Variants in RTL4 observed in about 807,000 individuals in gnomAD.
The protein encoded by RTL4 is retrotransposon Gag like 4, also known as retrotransposon Gag-like protein 4.
RTL4 carries 4 observed loss-of-function variants against 5.3 expected under a neutral mutation model. That is an observed-to-expected ratio of 0.75 (90% CI 0.37 to 1.72). The LOEUF (loss-of-function observed/expected upper bound fraction) is 1.72, where lower values mean the gene tolerates loss of function less well. Ranked by LOEUF, RTL4 falls within the 40% of genes most tolerant of loss-of-function variation. The pLI is 0.04. For synonymous variants in RTL4, 98 were observed against 87.3 expected, an observed-to-expected ratio of 1.12 and a Z score of -0.68; for missense variants, 260 against 227.1, an observed-to-expected ratio of 1.14 and a Z score of -0.93.
chrX:112,363,508 G>T, the RTL4 span, among the ~76,000 whole-genome samples: 1 of 110,200 alleles, frequency 9.1e-6, no homozygotes, highest in Admixed American at 9.7e-5. Flanking sequence ...AGAGAGTCTT[G>T]CGTACTCATA....
chrX:112,230,609 C>T, the RTL4 span, among the ~76,000 whole-genome samples: 36 of 112,463 alleles, frequency 3.2e-4, no homozygotes, highest in Admixed American at 4.7e-4. Context: ...GCATCGCTCA[C>T]GCTGGGAGCT....
the RTL4 span, among the ~76,000 whole-genome samples, chrX:112,356,579 G>GGTGTGTGTGTGTGT: frequency 2.4e-3 from 234 of 99,442 alleles, no homozygotes; most frequent in African/African-American, 8.3e-3. Flanking sequence ...TTTGTTTTGG[G>GGTGTGTGTGTGTGT]GTGTGTGTGT....
At chrX:112,395,974 T>C in the RTL4 span, among the ~76,000 whole-genome samples, 1 of 111,220 alleles carries the variant, frequency 9.0e-6, no homozygotes, top group Non-Finnish European at 1.9e-5. Context: ...TTCCAGATTG[T>C]TATGGTAAGA....
At chrX:112,397,956 T>G in the RTL4 span, among the ~76,000 whole-genome samples, 1 of 112,016 alleles carries the variant, frequency 8.9e-6, no homozygotes, top group African/African-American at 3.2e-5. Context: ...TACTTCTTTT[T>G]CTATTCAGTT....
At chrX:112,248,139 C>T in the RTL4 span, among the ~76,000 whole-genome samples, 1 of 112,289 alleles carries the variant, frequency 8.9e-6, no homozygotes, top group Non-Finnish European at 1.9e-5. Flanking sequence ...GAAGACATTG[C>T]TTGTTTACTA....
chrX:112,370,096 G>A, the RTL4 span, among the ~76,000 whole-genome samples: 1 of 111,846 alleles, frequency 8.9e-6, no homozygotes, highest in African/African-American at 3.2e-5. Context: ...CAAGTTTGGA[G>A]AGTGGTATGG....
the RTL4 span, among the ~76,000 whole-genome samples, chrX:112,269,472 G>T: frequency 9.0e-6 from 1 of 111,328 alleles, no homozygotes; most frequent in Non-Finnish European, 1.9e-5. Context: ...GTAAAAAAAA[G>T]AGGAGAAACT....
At chrX:112,181,496 G>A in the RTL4 span, among the ~76,000 whole-genome samples, 6 of 111,478 alleles carry the variant, frequency 5.4e-5, no homozygotes, top group African/African-American at 1.6e-4. Flanking sequence ...TTGGTGGGGG[G>A]AAGGGGGTCT....
the RTL4 span, among the ~76,000 whole-genome samples, chrX:112,363,541 G>A: frequency 2.7e-4 from 30 of 110,484 alleles, no homozygotes; most frequent in Non-Finnish European, 4.7e-4. Context: ...AGAAGGACCA[G>A]TAGTAAGCTT....
chrX:112,336,501 A>G, the RTL4 span, among the ~76,000 whole-genome samples: 450 of 111,962 alleles, frequency 4.0e-3, 3 homozygotes, highest in African/African-American at 0.014. Context: ...ATGCTTTTTC[A>G]TTTTATCACT....
At chrX:112,408,929 T>A in the RTL4 span, among the ~76,000 whole-genome samples, 1 of 112,062 alleles carries the variant, frequency 8.9e-6, no homozygotes, top group African/African-American at 3.2e-5. Flanking sequence ...CCAGTGAAAG[T>A]ATCCTTCAAA....
chrX:112,212,530 A>G, the RTL4 span, among the ~76,000 whole-genome samples: 1 of 112,612 alleles, frequency 8.9e-6, no homozygotes, highest in East Asian at 2.8e-4. Flanking sequence ...GGCTTCCCTC[A>G]GGCACTTTCC....
At chrX:112,447,109 G>A in the RTL4 span, among the ~76,000 whole-genome samples, 2 of 111,928 alleles carry the variant, frequency 1.8e-5, no homozygotes, top group Non-Finnish European at 1.9e-5. Context: ...CAAGTGATAT[G>A]AGAGTGCAAA....
the RTL4 span, among the ~76,000 whole-genome samples, chrX:112,248,318 A>G: frequency 8.9e-6 from 1 of 112,422 alleles, no homozygotes; most frequent in Non-Finnish European, 1.9e-5. Context: ...AAATTTGTTG[A>G]GCAAATAATG....
chrX:112,127,175 A>G, the RTL4 span, among the ~76,000 whole-genome samples: 1 of 111,822 alleles, frequency 8.9e-6, no homozygotes, highest in Non-Finnish European at 1.9e-5. Flanking sequence ...CAGCCAAATA[A>G]TATCAAACTA....
the RTL4 span, among the ~76,000 whole-genome samples, chrX:112,139,078 TG>T: frequency 8.9e-6 from 1 of 111,800 alleles, no homozygotes; most frequent in African/African-American, 3.2e-5. Context: ...TCAAGCATTT[TG>T]TAGAGTATCC....
At chrX:112,308,699 G>A in the RTL4 span, among the ~76,000 whole-genome samples, 2 of 111,375 alleles carry the variant, frequency 1.8e-5, no homozygotes, top group South Asian at 7.6e-4. Context: ...CTTTTTAGGT[G>A]GGTGAATGGA....
At chrX:112,335,235 A>G in the RTL4 span, among the ~76,000 whole-genome samples, 1 of 111,836 alleles carries the variant, frequency 8.9e-6, no homozygotes, top group East Asian at 2.8e-4. Context: ...GGTTTTCAAT[A>G]CTGTTATCAC....
At chrX:112,304,887 C>A in the RTL4 span, among the ~76,000 whole-genome samples, 2 of 106,231 alleles carry the variant, frequency 1.9e-5, no homozygotes, top group Admixed American at 1.0e-4. Context: ...TCCTCTTTTC[C>A]TTTCCACATT....
Sources: gnomAD v4.1 joint callset for allele counts (sites outside exome capture counted in the v4.1 genomes callset) on GRCh38, gnomAD v4.1.1 for gene constraint, MANE v1.5 for transcripts, NCBI Gene and HGNC (gene_info 2026-07-23, HGNC 2026-07-21) for gene names.